The following HECTD2 variants were observed in gnomAD, a reference collection of about 807,000 sequenced individuals.
The protein encoded by HECTD2 is HECT domain E3 ubiquitin protein ligase 2, also known as probable E3 ubiquitin-protein ligase HECTD2.
In HECTD2, 35 loss-of-function variants were observed where a neutral mutation model predicts 103.2. The observed-to-expected ratio is 0.34, with a 90% CI of 0.26 to 0.45. HECTD2 has a LOEUF of 0.45. HECTD2 is among the 20% of genes least tolerant of loss of function. The pLI is 1.00. For synonymous variants in HECTD2, 281 were observed against 329.9 expected, an observed-to-expected ratio of 0.85 and a Z score of 1.61; for missense variants, 596 against 937.4, an observed-to-expected ratio of 0.64 and a Z score of 4.76.
At position 91,473,051 on chromosome 10, in the gene HECTD2, A is replaced by G. The variant is rs920213932; in HGVS notation, c.601-5150A>G. Among the ~76,000 whole-genome samples the G allele has an allele frequency of 2.0e-5, 3 of 152,350 alleles. No individual in the cohort carries two copies. The South Asian group carries it at 6.2e-4, about 32-fold the overall frequency. ...GGAGTCTAAAAATTATGGCACAGAA[A>G]GAATGGGGGTGTATATTTAATACCT... On this transcript the variant is annotated intron_variant, in intron 5 of 20. Transcript: ENST00000298068.
At position 91,487,648 on chromosome 10, in the gene HECTD2, A is replaced by G; in HGVS notation, c.1095-34A>G. 1 of 1,368,188 alleles carries G rather than the reference A, an allele frequency of 7.3e-7. No homozygotes were observed. The highest frequency in any genetic ancestry group is 1.0e-6 in the Non-Finnish European group (1 of 956,280). 84.8% of individuals were successfully genotyped at this position (1,368,188 alleles called of 1,614,324 possible). A position where few individuals can be genotyped will look rare whatever the true frequency, so the allele number is the denominator to read the frequency against. On this transcript the variant is annotated intron_variant, in intron 10 of 20. Coordinates refer to ENST00000298068, the MANE Select transcript of HECTD2 (RefSeq NM_182765.6). This position sits in a 1 kb window ranked among gnomAD's most constrained non-coding sequence, Gnocchi z 4.1. ...AGTATAATTTTGTTAAAAATACACC[A>G]TTTTGCTTTTTCTTTTTTTCACTTG...
intron 2 of HECTD2, among the ~76,000 whole-genome samples, chr10:91,435,818 T>G (rs959157585): frequency 2.0e-5 from 3 of 152,054 alleles, no homozygotes; most frequent in African/African-American, 7.2e-5. Flanking sequence ...TGATTTTCTC[T>G]CCTCTGTATT....
intron 2 of HECTD2, among the ~76,000 whole-genome samples, chr10:91,457,599 A>G (rs1459127179): frequency 6.6e-6 from 1 of 152,068 alleles, no homozygotes; most frequent in African/African-American, 2.4e-5. Context: ...ACACCTATTC[A>G]TAATGAAAAA....
chr10:91,427,458 G>A (rs1225794843), intron 2 of HECTD2, among the ~76,000 whole-genome samples: 3 of 152,116 alleles, frequency 2.0e-5, no homozygotes, highest in African/African-American at 4.8e-5. Flanking sequence ...CTAGTTTACA[G>A]TCCCACCAAC....
chr10:91,512,512 T>C lies in HECTD2; in HGVS notation c.*128T>C, dbSNP rs1847462861. The stretch of plus-strand genomic sequence containing the variant: ...TCACCAACTTTAAAATATTAAGTTT[T>C]TAAAAAATCAAATATGAAGTATGTT... On this transcript the variant is annotated 3_prime_UTR_variant, in exon 21 of 21. Transcript: ENST00000298068. The C allele has an allele frequency of 1.1e-6, 1 of 893,298 alleles. No individual in the cohort carries two copies. Among genetic ancestry groups the C allele is most frequent in the Admixed American group, 2.5e-5 (1 of 40,806 alleles). 55.3% of individuals were successfully genotyped at this position (893,298 alleles called of 1,614,324 possible). A position where few individuals can be genotyped will look rare whatever the true frequency, so the allele number is the denominator to read the frequency against.
intron 14 of HECTD2, among the ~76,000 whole-genome samples, chr10:91,495,199 G>A (rs1445787158): frequency 6.6e-6 from 1 of 151,928 alleles, no homozygotes; most frequent in African/African-American, 2.4e-5. Context: ...ATTGTGGTCA[G>A]GTAAGGAGTT....
At chr10:91,506,923 A>C (rs2133377728) in intron 20 of HECTD2, among the ~76,000 whole-genome samples, 1 of 149,650 alleles carries the variant, frequency 6.7e-6, no homozygotes, top group South Asian at 2.1e-4. Flanking sequence ...AAGCTTCTCC[A>C]CCATGATCAA....
chr10:91,490,048 C>G (rs1232254838), intron 11 of HECTD2: 1 of 151,792 alleles, frequency 6.6e-6, no homozygotes, highest in African/African-American at 2.4e-5. Context: ...TGTTTTTTAC[C>G]TATTCAGTGC....
Position 91,512,778 on chromosome 10 carries a change from C to T in HECTD2, c.*394C>T, listed in dbSNP as rs1358634715. ...GCACTGCTAGCACACAGTAGCAAAG[C>T]AAACAGCTACATTATCTTTAACATA... is the stretch of plus-strand genomic sequence containing the variant. On this transcript the variant is annotated 3_prime_UTR_variant, in exon 21 of 21. Coordinates refer to ENST00000298068, the MANE Select transcript of HECTD2 (RefSeq NM_182765.6). The T allele has an allele frequency of 5.9e-6, 1 of 168,226 alleles. No individual in the cohort carries two copies. The highest frequency in any genetic ancestry group is 1.3e-5 in the Non-Finnish European group (1 of 76,572). The allele number at this position is 168,226 out of a possible 1,614,324, so 10.4% of individuals were successfully genotyped here.
intron 1 of HECTD2, among the ~76,000 whole-genome samples, chr10:91,417,330 C>CT (rs369977102): frequency 5.6e-4 from 84 of 149,864 alleles, no homozygotes; most frequent in Admixed American, 2.3e-3. Flanking sequence ...TGAATGTGCC[C>CT]TTTTTTTTTG....
rs182084837 is a variant in HECTD2 at position 91,460,586 on chromosome 10, G to A, written c.407+21G>A. 6 of 1,596,674 alleles carry A rather than the reference G, an allele frequency of 3.8e-6. No individual in the cohort carries two copies. In the East Asian group the frequency reaches 1.3e-4, roughly 36 times the overall value. On this transcript the variant is annotated intron_variant, in intron 3 of 20. Coordinates refer to ENST00000298068, the MANE Select transcript of HECTD2 (RefSeq NM_182765.6). ...TTTCAGTAAGTTTCAGCTATTATAT[G>A]TAAATGTATAGTCATCTGCATGTCA...
intron 2 of HECTD2, among the ~76,000 whole-genome samples, chr10:91,455,886 T>G (rs1014940722): frequency 6.6e-5 from 10 of 152,190 alleles, no homozygotes; most frequent in South Asian, 2.1e-4. Context: ...TGGTTGTAGA[T>G]GTGTGGTATT....
chr10:91,466,353 C>A (rs1274205036), intron 5 of HECTD2, among the ~76,000 whole-genome samples: 1 of 150,878 alleles, frequency 6.6e-6, no homozygotes, highest in Non-Finnish European at 1.5e-5. Context: ...TTGTTCTCTT[C>A]AAAAAAAAAT....
chr10:91,445,693 C>T (rs1844574307), intron 2 of HECTD2, among the ~76,000 whole-genome samples: 1 of 152,092 alleles, frequency 6.6e-6, no homozygotes, highest in Admixed American at 6.6e-5. Context: ...CCCAGCTCAT[C>T]TCACTGGGAC....
intron 20 of HECTD2, among the ~76,000 whole-genome samples, chr10:91,505,189 C>T (rs977863982): frequency 5.3e-5 from 8 of 151,948 alleles, no homozygotes; most frequent in Non-Finnish European, 8.8e-5. Context: ...TAAAGACCAT[C>T]GAGACTAGGA....
chr10:91,445,193 C>T (rs1214068023), intron 2 of HECTD2, among the ~76,000 whole-genome samples: 1 of 152,110 alleles, frequency 6.6e-6, no homozygotes, highest in Non-Finnish European at 1.5e-5. Flanking sequence ...CAAAGACTGA[C>T]ATTTTGAATT....
At chr10:91,427,908 T>C (rs974036191) in intron 2 of HECTD2, among the ~76,000 whole-genome samples, 47 of 152,034 alleles carry the variant, frequency 3.1e-4, no homozygotes, top group African/African-American at 8.4e-4. Flanking sequence ...ATTTTGTCTT[T>C]TGTTGCCATT....
At chr10:91,426,380 A>G (rs1449439692) in intron 2 of HECTD2, among the ~76,000 whole-genome samples, 4 of 152,052 alleles carry the variant, frequency 2.6e-5, no homozygotes, top group Non-Finnish European at 4.4e-5. Flanking sequence ...TTAAGGACAT[A>G]GTTTCTGGTA....
intron 2 of HECTD2, among the ~76,000 whole-genome samples, chr10:91,430,922 A>T (rs1026399058): frequency 6.6e-6 from 1 of 151,202 alleles, no homozygotes; most frequent in Non-Finnish European, 1.5e-5. Flanking sequence ...TCCTGTCATT[A>T]TGATGTTAGC....
Sources: allele counts gnomAD v4.1 joint callset (sites outside exome capture counted in the v4.1 genomes callset), GRCh38; gene constraint gnomAD v4.1.1; non-coding constraint Gnocchi (gnomAD v3.1); transcripts MANE v1.5; gene names NCBI Gene and HGNC (gene_info 2026-07-23, HGNC 2026-07-21).